DNAH7: variants seen among roughly 807,000 people sequenced by gnomAD.
DNAH7 encodes dynein axonemal heavy chain 7, also known as axonemal beta dynein heavy chain 7.
A neutral mutation model predicts 444.6 loss-of-function variants in DNAH7; 397 were observed. That is an observed-to-expected ratio of 0.89 (90% CI 0.82 to 0.97). The LOEUF (loss-of-function observed/expected upper bound fraction) is 0.97. Ranked by LOEUF, DNAH7 falls within the 50% of genes least tolerant of loss-of-function variation. The probability of loss-of-function intolerance (pLI) is 0.00; values close to 1 mark genes in which losing one functional copy is unlikely to be tolerated. For synonymous variants in DNAH7, 1,636 were observed against 1,624.4 expected (o/e 1.01, Z -0.17); for missense variants, 4,902 against 4,800.8 (o/e 1.02, Z -0.62).
intron 10 of DNAH7, among the ~76,000 whole-genome samples, chr2:196,010,187 C>A (rs1275318367): frequency 1.3e-5 from 2 of 151,444 alleles, no homozygotes; most frequent in Non-Finnish European, 2.9e-5. Context: ...TCTTGCTCAG[C>A]CACCCAGGCT....
Position 195,972,404 on chromosome 2 carries a change from GGAATC to G in DNAH7, c.1891_1895del (p.Asp631GlnfsTer22). On this transcript the variant is annotated frameshift_variant, in exon 16 of 65. Transcript: ENST00000312428. LOFTEE classifies it high-confidence loss of function. ...CGATGAGGAAGGCGAGGCAGTTTTT[GGAATC>G]CACTAATCTCTGTTCTAGTTCAATC... The G allele has an allele frequency of 6.2e-7, 1 of 1,614,032 alleles. No individual in the cohort carries two copies. Among genetic ancestry groups the G allele is most frequent in the South Asian group, 1.1e-5 (1 of 91,070 alleles).
chr2:195,829,668 T>C (rs1697963500), intron 48 of DNAH7, among the ~76,000 whole-genome samples: 2 of 152,036 alleles, frequency 1.3e-5, no homozygotes, highest in South Asian at 4.1e-4. Context: ...TATATTTTCA[T>C]CCCCTACTCA....
chr2:195,859,797 T>G (rs1253266726), intron 42 of DNAH7, among the ~76,000 whole-genome samples: 1 of 152,188 alleles, frequency 6.6e-6, no homozygotes, highest in East Asian at 1.9e-4. Flanking sequence ...TGGTTTCAGC[T>G]GAAACCTTGT....
At chr2:196,051,090 A>G in intron 3 of DNAH7, 97 bp downstream of exon 3, 1 of 1,065,054 alleles carries the variant, frequency 9.4e-7, no homozygotes, top group Non-Finnish European at 1.4e-6. Flanking sequence ...AAAGAATCAA[A>G]TGGAGCAGGA....
At chr2:195,985,907 C>G (rs1283090206) in intron 14 of DNAH7, among the ~76,000 whole-genome samples, 4 of 152,134 alleles carry the variant, frequency 2.6e-5, no homozygotes, top group Admixed American at 6.5e-5. Context: ...CCTTCATCCC[C>G]AGCCTTTCCT....
Position 196,026,786 on chromosome 2 carries a change from T to C in DNAH7, c.641A>G (p.Tyr214Cys), listed in dbSNP as rs375228059. 1.2e-5 allele frequency: 20 copies of C among 1,611,570 alleles called. No homozygotes were observed. In the Middle Eastern group the frequency reaches 6.6e-4, roughly 53 times the overall value. ...TATGGATTTCCTTACACTAAGAAGA[T>C]AATCCTCTCTCATTTCATCAGATAA... is the stretch of plus-strand genomic sequence containing the variant. Reference protein sequence around the residue: ...VTLSDEMREDYLLSVRKSIVD... With the variant: ...VTLSDEMREDCLLSVRKSIVD... Residue 214 changes from tyrosine to cysteine, a missense_variant, in exon 7 of 65, where the codon TAT becomes TGT. Transcript: ENST00000312428.
At chr2:196,054,668 T>C (rs1398111096) in intron 2 of DNAH7, among the ~76,000 whole-genome samples, 2 of 152,168 alleles carry the variant, frequency 1.3e-5, no homozygotes, top group East Asian at 3.8e-4. Flanking sequence ...AACCCAAATC[T>C]CATCTTGAAT....
rs1426224694 is a variant in DNAH7 at position 195,906,700 on chromosome 2, G to T, written c.4294C>A (p.Pro1432Thr). 6.2e-7 allele frequency: 1 copy of T among 1,612,954 alleles called. No individual in the cohort carries two copies. The highest frequency in any genetic ancestry group is 2.2e-5 in the East Asian group (1 of 44,858). ...AGTTCTGATCGCCCAGCATACCCAG[G>T]GTTCATTGTTATAAAGACAGCACAT... ...PTCAVFITMNPGYAGRSELPD... is the reference protein window; with the variant it reads ...PTCAVFITMNTGYAGRSELPD... Residue 1432 changes from proline to threonine, a missense_variant, in exon 27 of 65, where the codon CCT becomes ACT. By Grantham distance (38) the Pro-to-Thr change is conservative. Transcript: ENST00000312428.
At position 195,794,557 on chromosome 2, in the gene DNAH7, G is replaced by A. The variant is rs1238532376; in HGVS notation, c.10516-19C>T. ...TTAACTCCTGTAAGAAAATAAATCA[G>A]ATACAAAAGAGTAAATAAAACCCAA... On this transcript the variant is annotated intron_variant, in intron 56 of 64. Coordinates refer to ENST00000312428, the MANE Select transcript of DNAH7 (RefSeq NM_018897.3). 2 of 1,609,648 alleles carry A rather than the reference G, an allele frequency of 1.2e-6. No individual in the cohort carries two copies. The highest frequency in any genetic ancestry group is 8.5e-7 in the Non-Finnish European group (1 of 1,176,092).
intron 5 of DNAH7, among the ~76,000 whole-genome samples, chr2:196,045,536 C>G (rs192808549): frequency 4.7e-4 from 71 of 150,582 alleles, no homozygotes; most frequent in African/African-American, 1.1e-3. Context: ...AAAAAAAATA[C>G]AGAGAGAGAG....
chr2:195,919,487 G>A (rs1687892270), intron 24 of DNAH7, among the ~76,000 whole-genome samples: 1 of 151,922 alleles, frequency 6.6e-6, no homozygotes. Context: ...TGGGACTACA[G>A]ATGCACACCA....
chr2:195,756,102 TAAC>T (rs755697812), intron 62 of DNAH7, 28 bp downstream of exon 62: 4 of 1,561,314 alleles, frequency 2.6e-6, no homozygotes, highest in East Asian at 2.3e-5. Context: ...AGGAGAAACT[TAAC>T]AATATACGAT....
intron 12 of DNAH7, chr2:195,995,507 G>T (rs573041265): frequency 3.2e-6 from 1 of 314,916 alleles, no homozygotes; most frequent in Non-Finnish European, 6.3e-6. Flanking sequence ...GGTACTGTGA[G>T]CGCCTTTCCT....
intron 58 of DNAH7, among the ~76,000 whole-genome samples, chr2:195,779,133 G>A (rs1233880885): frequency 2.6e-5 from 4 of 152,084 alleles, no homozygotes; most frequent in East Asian, 1.9e-4. Context: ...GTGACGTACC[G>A]CTCCCAGCCA....
At chr2:195,755,097 C>A (rs1047616652) in intron 62 of DNAH7, among the ~76,000 whole-genome samples, 1 of 152,192 alleles carries the variant, frequency 6.6e-6, no homozygotes, top group African/African-American at 2.4e-5. Flanking sequence ...ATACGCATTG[C>A]TACACAATAT....
intron 25 of DNAH7, among the ~76,000 whole-genome samples, chr2:195,908,546 T>A (rs908529571): frequency 6.6e-6 from 1 of 152,164 alleles, no homozygotes; most frequent in Non-Finnish European, 1.5e-5. Flanking sequence ...TTTCTGTGCC[T>A]GGCTTGTTTC....
At chr2:195,919,151 G>A (rs569655102) in intron 24 of DNAH7, among the ~76,000 whole-genome samples, 2 of 151,532 alleles carry the variant, frequency 1.3e-5, no homozygotes, top group Non-Finnish European at 2.9e-5. Context: ...TCGGGAGACT[G>A]AGGCAGGAGA....
intron 61 of DNAH7, among the ~76,000 whole-genome samples, chr2:195,759,561 C>A (rs1250657737): frequency 6.6e-6 from 1 of 152,134 alleles, no homozygotes; most frequent in Non-Finnish European, 1.5e-5. Context: ...ACCAGCTTGA[C>A]TGCTACAGTG....
At chr2:195,877,545 T>C (rs138938199) in intron 36 of DNAH7, among the ~76,000 whole-genome samples, 60 of 152,356 alleles carry the variant, frequency 3.9e-4, no homozygotes, top group African/African-American at 1.4e-3. Flanking sequence ...GATGTGATTA[T>C]ACACTAAACA....
Sources: gnomAD v4.1 joint callset for allele counts (sites outside exome capture counted in the v4.1 genomes callset) on GRCh38, gnomAD v4.1.1 for gene constraint, MANE v1.5 for transcripts, NCBI Gene and HGNC (gene_info 2026-07-23, HGNC 2026-07-21) for gene names.